FMNL2: variants seen among roughly 807,000 people sequenced by gnomAD.
FMNL2 encodes formin-like protein 2.
In FMNL2, 51 loss-of-function variants were observed where a neutral mutation model predicts 130.2. That is an observed-to-expected ratio of 0.39 (90% CI 0.31 to 0.49). The LOEUF (loss-of-function observed/expected upper bound fraction) is 0.49, where lower values mean the gene tolerates loss of function less well. Ranked by LOEUF, FMNL2 falls within the 20% of genes least tolerant of loss-of-function variation. The probability of loss-of-function intolerance (pLI) is 0.85; values close to 1 mark genes in which losing one functional copy is unlikely to be tolerated. For missense variants in FMNL2, 977 were observed against 1,316.2 expected, an observed-to-expected ratio of 0.74 and a Z score of 3.99; for synonymous variants, 465 against 467.1, an observed-to-expected ratio of 1.00 and a Z score of 0.06.
chr2:152,624,997 T>C (rs541454320), intron 15 of FMNL2, among the ~76,000 whole-genome samples: 1 of 152,300 alleles, frequency 6.6e-6, no homozygotes, highest in South Asian at 2.1e-4. Flanking sequence ...GATCATCTTC[T>C]AAGGTTTGTT....
chr2:152,484,698 A>T (rs1690719837), intron 1 of FMNL2, among the ~76,000 whole-genome samples: 1 of 151,352 alleles, frequency 6.6e-6, no homozygotes, highest in Non-Finnish European at 1.5e-5. Flanking sequence ...GGAGTTTGAG[A>T]TTACAGTGAG....
chr2:152,385,898 T>C (rs1308310692), intron 1 of FMNL2, among the ~76,000 whole-genome samples: 1 of 152,232 alleles, frequency 6.6e-6, no homozygotes, highest in Non-Finnish European at 1.5e-5. Flanking sequence ...GCAGGTTGGC[T>C]GCCAAATTGT....
intron 10 of FMNL2, among the ~76,000 whole-genome samples, chr2:152,611,253 C>T (rs943330511): frequency 4.6e-5 from 7 of 152,108 alleles, no homozygotes; most frequent in Admixed American, 2.6e-4. Context: ...GCAGGAGAAT[C>T]GCCTGAACCC....
chr2:152,513,332 T>C (rs987690744), intron 1 of FMNL2, among the ~76,000 whole-genome samples: 3 of 152,294 alleles, frequency 2.0e-5, no homozygotes, highest in East Asian at 3.9e-4. Context: ...TTTACCCTCT[T>C]AGCGAATGTT....
intron 2 of FMNL2, among the ~76,000 whole-genome samples, chr2:152,536,720 A>C (rs1283686101): frequency 6.6e-6 from 1 of 152,204 alleles, no homozygotes; most frequent in Non-Finnish European, 1.5e-5. Flanking sequence ...GAAACTCAAC[A>C]GTGTGTGCCC....
rs56378937 is a variant in FMNL2, at chr2:152,564,776, G to GTTTTTTTTTTTTTTTTTT, written c.596+3746_596+3763dup. On this transcript the variant is annotated intron_variant, in intron 6 of 25. Transcript: ENST00000288670. Reference sequence around the variant, plus strand: ...CACTGCGTTCTAAAATACAAGGTTGGTTTTTTTTTTTTTTTTTTTTTTAAC... The same window carrying GTTTTTTTTTTTTTTTTTT: ...CACTGCGTTCTAAAATACAAGGTTGGTTTTTTTTTTTTTTTTTTTTTTTTTTTTTTTTTTTTTTTTAAC... 3.8e-5 allele frequency among the ~76,000 whole-genome samples: 3 copies of GTTTTTTTTTTTTTTTTTT among 79,342 alleles called. 1 individual carries two copies. The highest frequency in any genetic ancestry group is 1.0e-3 in the South Asian group (2 of 1,926). 52.1% of individuals were successfully genotyped at this position (79,342 alleles called of 152,430 possible). A position where few individuals can be genotyped will look rare whatever the true frequency, so the allele number is the denominator to read the frequency against.
At chr2:152,555,696 C>T (rs1026861650) in intron 4 of FMNL2, among the ~76,000 whole-genome samples, 1 of 152,178 alleles carries the variant, frequency 6.6e-6, no homozygotes, top group Admixed American at 6.5e-5. Context: ...TTAGAATTTG[C>T]CTAAATTCAG....
chr2:152,521,962 C>T lies in FMNL2; in HGVS notation c.137C>T (p.Pro46Leu). The T allele has an allele frequency of 6.2e-7, 1 of 1,612,914 alleles. No homozygotes were observed. Among genetic ancestry groups the T allele is most frequent in the Non-Finnish European group, 8.5e-7 (1 of 1,179,420 alleles). Residue 46 changes from proline (P) to leucine (L), a missense_variant, in exon 2 of 26, where the codon CCT (proline) becomes CTT (leucine). This residue lies in a region of FMNL2 where 117 missense variants were observed against 134.9 expected (regional missense o/e 0.87). Coordinates refer to ENST00000288670, the MANE Select transcript of FMNL2 (RefSeq NM_052905.4). ...AAACAGAATGCTATGAACCTACCTCCTGACAAAGCCAGGTTACTGCGGCAG... is the reference window on the plus strand; with the variant it reads ...AAACAGAATGCTATGAACCTACCTCTTGACAAAGCCAGGTTACTGCGGCAG... ...AIVLNAMNLP[P>L]DKARLLRQYD...
chr2:152,389,657 C>T (rs571242060), intron 1 of FMNL2, among the ~76,000 whole-genome samples: 8 of 152,322 alleles, frequency 5.3e-5, no homozygotes, highest in Admixed American at 1.3e-4. Context: ...GACCTCAGGA[C>T]GTGGATCCGA....
chr2:152,616,985 A>G, intron 12 of FMNL2, 106 bp from the exon 13 acceptor site: 2 of 860,098 alleles, frequency 2.3e-6, no homozygotes, highest in African/African-American at 3.4e-5. Flanking sequence ...TGCGGAACAC[A>G]TGCAGGGCCC....
At chr2:152,356,300 T>C (rs1682775833) in intron 1 of FMNL2, among the ~76,000 whole-genome samples, 1 of 152,132 alleles carries the variant, frequency 6.6e-6, no homozygotes, top group South Asian at 2.1e-4. Context: ...TGTTTTTGTA[T>C]TTTTGTGTAG....
At chr2:152,342,073 A>C (rs1040754756) in intron 1 of FMNL2, among the ~76,000 whole-genome samples, 5 of 152,192 alleles carry the variant, frequency 3.3e-5, no homozygotes, top group Admixed American at 6.5e-5. Context: ...TCCTGGGCTT[A>C]AAGAAGAAAA....
At chr2:152,343,192 G>A (rs544793584) in intron 1 of FMNL2, among the ~76,000 whole-genome samples, 2 of 152,328 alleles carry the variant, frequency 1.3e-5, no homozygotes, top group South Asian at 2.1e-4. Context: ...AAGCCTTGAG[G>A]TGTTTAGACC....
chr2:152,484,458 A>T (rs1690701724), intron 1 of FMNL2, among the ~76,000 whole-genome samples: 1 of 151,746 alleles, frequency 6.6e-6, no homozygotes, highest in Non-Finnish European at 1.5e-5. Context: ...TGGCCAATAC[A>T]GCAAGACTGT....
At chr2:152,341,742 A>C in intron 1 of FMNL2, among the ~76,000 whole-genome samples, 2 of 152,380 alleles carry the variant, frequency 1.3e-5, no homozygotes, top group Middle Eastern at 6.8e-3. Flanking sequence ...AAGAGCTTTC[A>C]GGTGGAAATG....
At chr2:152,602,078 T>A (rs530746574) in intron 9 of FMNL2, among the ~76,000 whole-genome samples, 1 of 152,326 alleles carries the variant, frequency 6.6e-6, no homozygotes, top group South Asian at 2.1e-4. Context: ...ACCCAGGTTT[T>A]ACAGTCTTGT....
At chr2:152,368,472 T>TC (rs1249357869) in intron 1 of FMNL2, among the ~76,000 whole-genome samples, 1 of 152,016 alleles carries the variant, frequency 6.6e-6, no homozygotes, top group African/African-American at 2.4e-5. Context: ...TAAAAGTTTT[T>TC]TTTTTTAAGC....
intron 18 of FMNL2, 22 bp downstream of exon 18, chr2:152,628,555 G>A (rs888105922): frequency 5.0e-6 from 8 of 1,591,608 alleles, no homozygotes; most frequent in Non-Finnish European, 6.0e-6. Context: ...GACTCTGGCA[G>A]GGGAGGGGGT....
chr2:152,638,587 C>T (rs1682818675), intron 23 of FMNL2, among the ~76,000 whole-genome samples: 1 of 152,230 alleles, frequency 6.6e-6, no homozygotes, highest in African/African-American at 2.4e-5. Context: ...CCCATCTTCC[C>T]TCAGCATGGC....
Sources: allele counts gnomAD v4.1 joint callset (sites outside exome capture counted in the v4.1 genomes callset), GRCh38; gene constraint gnomAD v4.1.1; regional missense constraint gnomAD v4.1.1; transcripts MANE v1.5; gene names NCBI Gene and HGNC (gene_info 2026-07-23, HGNC 2026-07-21).